OSBPL1A: variants seen among roughly 807,000 people sequenced by gnomAD.
OSBPL1A encodes the protein oxysterol-binding protein-related protein 1.
In OSBPL1A, 80 loss-of-function variants were observed where a neutral mutation model predicts 137.1. The observed-to-expected ratio is 0.58, with a 90% CI of 0.49 to 0.70. The LOEUF is 0.70. OSBPL1A is among the 30% of genes least tolerant of loss of function. The probability of loss-of-function intolerance (pLI) is 0.00; values close to 1 mark genes in which losing one functional copy is unlikely to be tolerated. For synonymous variants in OSBPL1A, 365 were observed against 389.7 expected (o/e 0.94, Z 0.75); for missense variants, 970 against 1,129.4 (o/e 0.86, Z 2.02).
chr18:24,376,919 G>A (rs1906207124), intron 2 of OSBPL1A, among the ~76,000 whole-genome samples: 1 of 152,370 alleles, frequency 6.6e-6, no homozygotes, highest in Middle Eastern at 3.4e-3. Context: ...CGGAACTCCA[G>A]CCGGCCCGCA....
chr18:24,200,850 T>A lies in OSBPL1A; in HGVS notation c.1602-4650A>T, dbSNP rs187512251. ...AGAAGCAGAGGGAGTAGAGAAATTTTAAAAAAAAATTAGGTAGGAGATTCA... is the reference window on the plus strand; with the variant it reads ...AGAAGCAGAGGGAGTAGAGAAATTTAAAAAAAAAATTAGGTAGGAGATTCA... On this transcript the variant is annotated intron_variant, in intron 17 of 27. Transcript: ENST00000319481. 3.5e-3 allele frequency among the ~76,000 whole-genome samples: 537 copies of A among 151,798 alleles called. 5 individuals carry two copies. The highest frequency in any genetic ancestry group is 0.011 in the African/African-American group (444 of 41,402).
intron 17 of OSBPL1A, among the ~76,000 whole-genome samples, chr18:24,203,008 G>A (rs529638289): frequency 5.3e-5 from 8 of 152,174 alleles, no homozygotes; most frequent in South Asian, 2.1e-4. Context: ...ACAGAGTTTC[G>A]CTCTTTTTGC....
chr18:24,225,157 T>C lies in OSBPL1A; in HGVS notation c.1486A>G (p.Thr496Ala), dbSNP rs1465401180. ...ERSLSRLEAV[T>A]ARSFEEEGEH... is the part of the protein sequence containing the mutation. The stretch of plus-strand genomic sequence containing the variant: ...CCTTCCTCTTCAAAGGAGCGTGCTG[T>C]CACTGCTTCCAATCTACTCAGGGAC... The change falls in exon 17 of 28, where the codon ACA (threonine) becomes GCA (alanine). Residue 496 changes from threonine to alanine, a missense_variant. This residue lies in a region of OSBPL1A where 647 missense variants were observed against 672.6 expected (regional missense o/e 0.96). Transcript: ENST00000319481. 5 of 1,614,152 alleles carry C rather than the reference T, an allele frequency of 3.1e-6. No homozygotes were observed. Among genetic ancestry groups the C allele is most frequent in the African/African-American group, 1.3e-5 (1 of 75,046 alleles).
intron 16 of OSBPL1A, among the ~76,000 whole-genome samples, chr18:24,231,168 T>G (rs932548201): frequency 5.3e-5 from 8 of 152,202 alleles, no homozygotes; most frequent in African/African-American, 1.9e-4. Flanking sequence ...GCATTGAAGG[T>G]GGACAGAATC....
intron 15 of OSBPL1A, among the ~76,000 whole-genome samples, chr18:24,261,692 G>T (rs887682386): frequency 6.6e-6 from 1 of 152,002 alleles, no homozygotes; most frequent in Non-Finnish European, 1.5e-5. Flanking sequence ...AATGAGCCGG[G>T]TGTGGTGGTG....
chr18:24,310,596 C>T (rs1211087233), intron 13 of OSBPL1A, among the ~76,000 whole-genome samples: 4 of 124,244 alleles, frequency 3.2e-5, no homozygotes, highest in Admixed American at 8.6e-5. Context: ...AGCAAGACTC[C>T]GTCTCAAAAA....
At chr18:24,215,139 G>A (rs574327730) in intron 17 of OSBPL1A, among the ~76,000 whole-genome samples, 30 of 152,166 alleles carry the variant, frequency 2.0e-4, no homozygotes, top group African/African-American at 7.0e-4. Context: ...GTTTCCTTTT[G>A]GATTGCTCTG....
chr18:24,166,752 A>C, intron 25 of OSBPL1A, 50 bp from the exon 26 acceptor site: 2 of 1,560,732 alleles, frequency 1.3e-6, no homozygotes, highest in Non-Finnish European at 1.7e-6. Flanking sequence ...GCATAATGCA[A>C]AATGAAACAT....
chr18:24,321,923 A>AT (rs1387007694), intron 7 of OSBPL1A, among the ~76,000 whole-genome samples: 1 of 151,792 alleles, frequency 6.6e-6, no homozygotes, highest in Non-Finnish European at 1.5e-5. Flanking sequence ...AATTTCCATG[A>AT]TTTTTTTTAA....
At position 24,287,791 on chromosome 18, in the gene OSBPL1A, A is replaced by ATAAAATAAAATAAAATAAAG. The variant is rs2090095143; in HGVS notation, c.1175-6844_1175-6843insCTTTATTTTATTTTATTTTA. On this transcript the variant is annotated intron_variant, in intron 14 of 27. Transcript: ENST00000319481. ...TGTCTCAAAAATAAAATAAAATAAA[A>ATAAAATAAAATAAAATAAAG]TAAAATAAAATAAAATAAAATAAAA... Among the ~76,000 whole-genome samples the ATAAAATAAAATAAAATAAAG allele has an allele frequency of 2.0e-5, 3 of 151,204 alleles. No individual in the cohort carries two copies. The South Asian group carries it at 6.2e-4, about 31-fold the overall frequency.
chr18:24,226,667 TACC>T (rs1307726183), intron 16 of OSBPL1A, among the ~76,000 whole-genome samples: 4 of 152,162 alleles, frequency 2.6e-5, no homozygotes, highest in Admixed American at 1.3e-4. Flanking sequence ...ACCTTACTGT[TACC>T]ACATTAGGCT....
chr18:24,384,590 C>T (rs937419975), intron 1 of OSBPL1A, among the ~76,000 whole-genome samples: 60 of 136,600 alleles, frequency 4.4e-4, no homozygotes, highest in African/African-American at 1.4e-3. Context: ...ACAAAAGGGC[C>T]GGGGGCGGGT....
At position 24,324,603 on chromosome 18, in the gene OSBPL1A, T is replaced by TTAA. The variant is rs1568028205; in HGVS notation, c.626-5795_626-5794insTTA. Among the ~76,000 whole-genome samples the TTAA allele has an allele frequency of 3.5e-4, 2 of 5,652 alleles. 1 individual carries two copies. Among genetic ancestry groups the TTAA allele is most frequent in the Non-Finnish European group, 6.7e-4 (2 of 2,982 alleles). The allele number at this position is 5,652 out of a possible 152,430, so 3.7% of individuals were successfully genotyped here. A position where few individuals can be genotyped will look rare whatever the true frequency, so the allele number is the denominator to read the frequency against. The stretch of plus-strand genomic sequence containing the variant: ...CCCAATAAAAACATGAATATGAATA[T>TTAA]AAAAAAAAAAAAAAAAAAAAAAAAA... On this transcript the variant is annotated intron_variant, in intron 7 of 27. Transcript: ENST00000319481.
At chr18:24,246,811 A>T (rs1033962448) in intron 15 of OSBPL1A, among the ~76,000 whole-genome samples, 4 of 148,968 alleles carry the variant, frequency 2.7e-5, no homozygotes, top group Non-Finnish European at 5.9e-5. Context: ...AAAAAAAAAA[A>T]AATCCCTTAA....
intron 14 of OSBPL1A, among the ~76,000 whole-genome samples, chr18:24,299,614 T>C (rs1252808541): frequency 3.3e-5 from 5 of 152,308 alleles, no homozygotes; most frequent in Admixed American, 3.3e-4. Flanking sequence ...ATAAGGTTTC[T>C]GCTAAGAAGT....
At chr18:24,358,524 A>G (rs770092312) in intron 4 of OSBPL1A, 3 of 702,334 alleles carry the variant, frequency 4.3e-6, no homozygotes, top group South Asian at 3.0e-5. Flanking sequence ...AGAACAAATT[A>G]TATGTATATA....
intron 5 of OSBPL1A, 63 bp from the exon 6 acceptor site, chr18:24,334,393 A>G: frequency 7.5e-7 from 1 of 1,335,810 alleles, no homozygotes; most frequent in Non-Finnish European, 1.0e-6. Flanking sequence ...TTCATTATAA[A>G]GAATAAAGTG....
chr18:24,372,274 CAA>C (rs11369067), intron 2 of OSBPL1A, among the ~76,000 whole-genome samples: 71 of 104,862 alleles, frequency 6.8e-4, no homozygotes, highest in Admixed American at 8.8e-4. Context: ...GACGCTGTCG[CAA>C]AAAAAAAAAA....
At chr18:24,189,664 T>G (rs57690458) in intron 18 of OSBPL1A, among the ~76,000 whole-genome samples, 6,433 of 152,234 alleles carry the variant, frequency 0.042, 294 homozygotes, top group African/African-American at 0.12. Context: ...TTCCCCCCGC[T>G]CCACACGATG....
Sources: allele counts gnomAD v4.1 joint callset (sites outside exome capture counted in the v4.1 genomes callset), GRCh38; gene constraint gnomAD v4.1.1; regional missense constraint gnomAD v4.1.1; transcripts MANE v1.5; gene names NCBI Gene and HGNC (gene_info 2026-07-23, HGNC 2026-07-21).